ASTN2: variants seen among roughly 807,000 people sequenced by gnomAD.
ASTN2 encodes astrotactin 2, also known as astrotactin-2.
ASTN2 carries 54 observed loss-of-function variants against 139.8 expected under a neutral mutation model. The ratio of observed to expected loss-of-function variants is 0.39; its 90% CI spans 0.31 to 0.48. The LOEUF (loss-of-function observed/expected upper bound fraction) is 0.48. Ranked by LOEUF, ASTN2 falls within the 20% of genes least tolerant of loss-of-function variation. ASTN2 has a pLI of 0.95. For synonymous variants in ASTN2, 756 were observed against 719.5 expected, an observed-to-expected ratio of 1.05 and a Z score of -0.81; for missense variants, 1,565 against 1,725.1, an observed-to-expected ratio of 0.91 and a Z score of 1.64.
intron 1 of ASTN2, among the ~76,000 whole-genome samples, chr9:117,311,824 G>A (rs893459738): frequency 2.6e-5 from 4 of 152,164 alleles, no homozygotes; most frequent in Non-Finnish European, 5.9e-5. Context: ...ATGAATGTTC[G>A]TGAAGTGAAC....
At chr9:117,330,867 C>T (rs189254411) in intron 1 of ASTN2, among the ~76,000 whole-genome samples, 8 of 152,270 alleles carry the variant, frequency 5.3e-5, no homozygotes, top group East Asian at 1.9e-4. Context: ...TGCCCTTCTC[C>T]GGATCTTCTC....
At chr9:116,853,235 A>G (rs1017526475) in intron 11 of ASTN2, among the ~76,000 whole-genome samples, 4 of 152,170 alleles carry the variant, frequency 2.6e-5, no homozygotes, top group African/African-American at 2.4e-5. Context: ...CACTGTACAA[A>G]TTTATTTTAT....
intron 1 of ASTN2, among the ~76,000 whole-genome samples, chr9:117,321,616 T>C (rs1828327128): frequency 6.6e-6 from 1 of 152,166 alleles, no homozygotes; most frequent in Admixed American, 6.5e-5. Context: ...GTCACCATGG[T>C]GACAAAACTA....
At chr9:116,542,437 T>C (rs1813549813) in intron 19 of ASTN2, among the ~76,000 whole-genome samples, 1 of 152,236 alleles carries the variant, frequency 6.6e-6, no homozygotes, top group Non-Finnish European at 1.5e-5. Flanking sequence ...TTCAAGTTAA[T>C]ATGTTTATTA....
intron 19 of ASTN2, among the ~76,000 whole-genome samples, chr9:116,512,818 T>C (rs1456850359): frequency 6.6e-6 from 1 of 152,198 alleles, no homozygotes; most frequent in Non-Finnish European, 1.5e-5. Flanking sequence ...GAGTCTAGGA[T>C]TGCAACCCCT....
chr9:117,358,042 G>A (rs964524110), intron 1 of ASTN2, among the ~76,000 whole-genome samples: 3 of 152,098 alleles, frequency 2.0e-5, no homozygotes, highest in Admixed American at 2.0e-4. Flanking sequence ...TACTGAACAC[G>A]TGGGAAATCA....
chr9:116,816,734 G>A (rs1443564675), intron 12 of ASTN2, among the ~76,000 whole-genome samples: 2 of 152,098 alleles, frequency 1.3e-5, no homozygotes, highest in Middle Eastern at 3.4e-3. Context: ...TGGGGCCTGT[G>A]CAGCCCCAGA....
At chr9:116,789,912 CTCTT>C (rs199625463) in intron 13 of ASTN2, among the ~76,000 whole-genome samples, 35 of 139,592 alleles carry the variant, frequency 2.5e-4, no homozygotes, top group African/African-American at 8.4e-4. Flanking sequence ...CCTGACTTTT[CTCTT>C]TCTCTTTTTT....
At chr9:116,535,244 C>A (rs1851563333) in intron 19 of ASTN2, among the ~76,000 whole-genome samples, 1 of 152,098 alleles carries the variant, frequency 6.6e-6, no homozygotes, top group Non-Finnish European at 1.5e-5. Context: ...TTATTTTGAG[C>A]CTATGTGTGT....
chr9:116,461,270 T>C (rs930634950), intron 20 of ASTN2, among the ~76,000 whole-genome samples: 18 of 151,924 alleles, frequency 1.2e-4, no homozygotes, highest in East Asian at 1.9e-4. Context: ...CCCACTTGAA[T>C]ACAAAATTCA....
rs192119630 is a variant in ASTN2, at chr9:116,646,797, G to A, written c.3072+4731C>T. On this transcript the variant is annotated intron_variant, in intron 17 of 22. Coordinates refer to ENST00000313400, the MANE Select transcript of ASTN2 (RefSeq NM_001365068.1). ...AAGAGAGTAGAAGTGAGAAGATAGTGCCCATGCCTGTCTGTTTGCTCTAAC... is the reference window on the plus strand; with the variant it reads ...AAGAGAGTAGAAGTGAGAAGATAGTACCCATGCCTGTCTGTTTGCTCTAAC... Among the ~76,000 whole-genome samples, 313 of 152,266 alleles carry A rather than the reference G, an allele frequency of 2.1e-3. 5 individuals carry two copies. Among genetic ancestry groups the A allele is most frequent in the South Asian group, 6.2e-4 (3 of 4,818 alleles).
chr9:117,222,893 G>A (rs1177699276), intron 2 of ASTN2, among the ~76,000 whole-genome samples: 1 of 151,994 alleles, frequency 6.6e-6, no homozygotes. Flanking sequence ...AAAAAAAAAG[G>A]AGACTCAGAA....
intron 22 of ASTN2, among the ~76,000 whole-genome samples, chr9:116,432,632 A>G (rs1311389598): frequency 1.3e-5 from 2 of 152,222 alleles, no homozygotes; most frequent in Non-Finnish European, 2.9e-5. Context: ...CTGTGCAAGA[A>G]TAATGAATTA....
intron 10 of ASTN2, among the ~76,000 whole-genome samples, chr9:116,958,693 A>G (rs1048729722): frequency 3.9e-5 from 6 of 152,142 alleles, no homozygotes; most frequent in Non-Finnish European, 5.9e-5. Flanking sequence ...GTCACTGGAA[A>G]TTGGTGGGTA....
At chr9:116,831,424 TC>T (rs1341209108) in intron 11 of ASTN2, among the ~76,000 whole-genome samples, 1 of 152,080 alleles carries the variant, frequency 6.6e-6, no homozygotes, top group African/African-American at 2.4e-5. Flanking sequence ...TCTAAGTCCT[TC>T]TTTAGAACAT....
intron 14 of ASTN2, among the ~76,000 whole-genome samples, chr9:116,731,458 T>A (rs28422958): frequency 0.1 from 15,507 of 152,104 alleles, 883 homozygotes; most frequent in East Asian, 0.21. Flanking sequence ...GTTTCACTCC[T>A]GTTGCCCATG....
At chr9:116,589,070 C>T (rs1854273694) in intron 19 of ASTN2, among the ~76,000 whole-genome samples, 1 of 152,110 alleles carries the variant, frequency 6.6e-6, no homozygotes, top group African/African-American at 2.4e-5. Flanking sequence ...ATATGTCCAA[C>T]AAGGATAACT....
chr9:116,797,799 C>T (rs1830740608), intron 13 of ASTN2, among the ~76,000 whole-genome samples: 1 of 152,210 alleles, frequency 6.6e-6, no homozygotes, highest in Non-Finnish European at 1.5e-5. Flanking sequence ...TCTATGGGAC[C>T]TTGGCATTGG....
At chr9:117,268,359 C>T (rs2133120153) in intron 2 of ASTN2, among the ~76,000 whole-genome samples, 2 of 152,302 alleles carry the variant, frequency 1.3e-5, no homozygotes, top group Middle Eastern at 3.4e-3. Flanking sequence ...TTACCAGCAT[C>T]ATCTTCTGGG....
Sources: gnomAD v4.1 joint callset for allele counts (sites outside exome capture counted in the v4.1 genomes callset) on GRCh38, gnomAD v4.1.1 for gene constraint, MANE v1.5 for transcripts, NCBI Gene and HGNC (gene_info 2026-07-23, HGNC 2026-07-21) for gene names.